IL1RL2: variants seen among roughly 807,000 people sequenced by gnomAD.
The protein encoded by IL1RL2 is interleukin 1 receptor like 2.
In IL1RL2, 68 loss-of-function variants were observed where a neutral mutation model predicts 66.8. That is an observed-to-expected ratio of 1.02 (90% CI 0.84 to 1.25). IL1RL2 has a LOEUF of 1.25. IL1RL2 is among the 50% of genes most tolerant of loss of function. The pLI is 0.00. For missense variants in IL1RL2, 729 were observed against 709.3 expected, an observed-to-expected ratio of 1.03 and a Z score of -0.32; for synonymous variants, 305 against 264.6, an observed-to-expected ratio of 1.15 and a Z score of -1.48.
intron 11 of IL1RL2, among the ~76,000 whole-genome samples, chr2:102,236,132 G>A (rs767817622): frequency 6.6e-6 from 1 of 152,214 alleles, no homozygotes; most frequent in African/African-American, 2.4e-5. Flanking sequence ...ATGATTAAAG[G>A]TTTTTAATAC....
In IL1RL2 at chr2:102,187,074, A is replaced by G. The variant is rs1334273858; in HGVS notation, c.-25A>G. The G allele has an allele frequency of 8.5e-6, 11 of 1,289,704 alleles. No individual in the cohort carries two copies. Among genetic ancestry groups the G allele is most frequent in the Middle Eastern group, 2.1e-4 (1 of 4,716 alleles). 79.9% of individuals were successfully genotyped at this position (1,289,704 alleles called of 1,614,324 possible). A position where few individuals can be genotyped will look rare whatever the true frequency, so the allele number is the denominator to read the frequency against. On this transcript the variant is annotated 5_prime_UTR_variant, in exon 1 of 12. Coordinates refer to ENST00000264257, the MANE Select transcript of IL1RL2 (RefSeq NM_003854.4). The stretch of plus-strand genomic sequence containing the variant: ...TCTCCACGAGGTCCTGCGCGCTTCA[A>G]TCCTGCAGGCAGGTAGACACCGGGC...
At chr2:102,188,587 C>CAA (rs374522339) in intron 2 of IL1RL2, among the ~76,000 whole-genome samples, 1,179 of 94,884 alleles carry the variant, frequency 0.012, 36 homozygotes, top group East Asian at 0.04. Context: ...GACTCCGTCT[C>CAA]AAAAAAAAAA....
At chr2:102,240,945 G>A (rs999031317), downstream of IL1RL2, among the ~76,000 whole-genome samples, 1 of 152,268 alleles carries the variant, frequency 6.6e-6, no homozygotes, top group African/African-American at 2.4e-5. Context: ...GGACAAACAA[G>A]GTCACGCCTG....
At chr2:102,202,913 A>G (rs1688391912) in intron 5 of IL1RL2, among the ~76,000 whole-genome samples, 1 of 152,150 alleles carries the variant, frequency 6.6e-6, no homozygotes, top group Admixed American at 6.5e-5. Context: ...CTTCCAGTAC[A>G]ATGTTGAATA....
At chr2:102,233,186 TCCA>T in intron 10 of IL1RL2, 62 bp downstream of exon 10, 1 of 1,482,062 alleles carries the variant, frequency 6.7e-7, no homozygotes, top group South Asian at 1.2e-5. Flanking sequence ...CCTCTGTTCC[TCCA>T]CTTTACTAAT....
chr2:102,192,758 T>C (rs1424803535), intron 4 of IL1RL2, among the ~76,000 whole-genome samples: 1 of 152,210 alleles, frequency 6.6e-6, no homozygotes, highest in Non-Finnish European at 1.5e-5. Context: ...TTGGAATTAG[T>C]TTTTCCTGCT....
chr2:102,241,446 A>G (rs770757577), downstream of IL1RL2, among the ~76,000 whole-genome samples: 1 of 152,186 alleles, frequency 6.6e-6, no homozygotes, highest in Non-Finnish European at 1.5e-5. Context: ...CCTGTGCCCC[A>G]GTTTCTTCCT....
chr2:102,233,164 A>G (rs764124278), intron 10 of IL1RL2, 40 bp downstream of exon 10: 2 of 1,553,286 alleles, frequency 1.3e-6, no homozygotes, highest in Admixed American at 3.4e-5. Context: ...AAATAAAAGA[A>G]GGAAAGCGAC....
In IL1RL2 at chr2:102,234,992, C is replaced by A. The variant is rs867480766; in HGVS notation, c.1393C>A (p.Leu465Met). The change falls in exon 11 of 12, where the codon CTG becomes ATG. Residue 465 changes from leucine (L) to methionine (M), a missense_variant. Transcript: ENST00000264257. ...GCTGGGCTTTGGCCTGTTGAAGAAC[C>A]TGTCAGAAGAACAAATCGCGGTCTA... The part of the protein sequence containing the change: ...ESLGFGLLKN[L>M]SEEQIAVYSA... 1.2e-6 allele frequency: 2 copies of A among 1,614,158 alleles called. No individual in the cohort carries two copies. The highest frequency in any genetic ancestry group is 2.7e-5 in the African/African-American group (2 of 75,028).
At chr2:102,212,249 T>G (rs1432751574) in intron 6 of IL1RL2, 75 bp downstream of exon 6, 1 of 1,090,632 alleles carries the variant, frequency 9.2e-7, no homozygotes, top group Non-Finnish European at 1.4e-6. Flanking sequence ...GGTGAATATT[T>G]TGAATGTTAA....
At chr2:102,241,029 G>C (rs970113598), downstream of IL1RL2, among the ~76,000 whole-genome samples, 6 of 152,262 alleles carry the variant, frequency 3.9e-5, no homozygotes, top group Admixed American at 1.3e-4. Context: ...AGGAACCGCT[G>C]TCCAGCCCGA....
intron 9 of IL1RL2, among the ~76,000 whole-genome samples, chr2:102,229,497 T>G (rs999870133): frequency 1.3e-5 from 2 of 152,194 alleles, no homozygotes; most frequent in Admixed American, 1.3e-4. Context: ...CGCACAGTCT[T>G]GCTGGTCTCA....
At chr2:102,187,247 C>T (rs1686760568) in intron 1 of IL1RL2, 161 bp downstream of exon 1, 1 of 1,187,712 alleles carries the variant, frequency 8.4e-7, no homozygotes, top group Non-Finnish European at 1.1e-6. Flanking sequence ...ATGGGGGAGC[C>T]GACTCCGTCT....
At chr2:102,199,996 T>TA (rs1266381267) in intron 4 of IL1RL2, among the ~76,000 whole-genome samples, 5 of 150,296 alleles carry the variant, frequency 3.3e-5, no homozygotes, top group South Asian at 2.1e-4. Flanking sequence ...CCACCTGTAC[T>TA]AAAAAAACAA....
chr2:102,216,771 G>A (rs1222897394), intron 6 of IL1RL2, among the ~76,000 whole-genome samples: 2 of 151,930 alleles, frequency 1.3e-5, no homozygotes, highest in Non-Finnish European at 2.9e-5. Context: ...GCTACCATGA[G>A]GCTAAAATAA....
rs1342474880 is a variant in IL1RL2 at position 102,194,171 on chromosome 2, A to G, written c.489+2051A>G. Among the ~76,000 whole-genome samples the G allele has an allele frequency of 2.0e-5, 3 of 152,176 alleles. No individual in the cohort carries two copies. In the East Asian group the frequency reaches 5.8e-4, roughly 29 times the overall value. On this transcript the variant is annotated intron_variant, in intron 4 of 11. Transcript: ENST00000264257. ...CCCCAAATAACCACTTCCCTGATTT[A>G]TGCTATCATAGATTGGATTTACCAG...
chr2:102,226,062 A>G (rs748144867), intron 9 of IL1RL2, 21 bp downstream of exon 9: 3 of 1,543,192 alleles, frequency 1.9e-6, no homozygotes, highest in African/African-American at 1.4e-5. Flanking sequence ...GTAATCACTG[A>G]AAAATGCCTC....
chr2:102,209,701 G>C (rs1481213114), intron 5 of IL1RL2, among the ~76,000 whole-genome samples: 2 of 152,142 alleles, frequency 1.3e-5, no homozygotes. Flanking sequence ...AGAGTCATTG[G>C]GCTGCATTTG....
At chr2:102,192,727 G>T (rs1451515987) in intron 4 of IL1RL2, among the ~76,000 whole-genome samples, 1 of 152,186 alleles carries the variant, frequency 6.6e-6, no homozygotes, top group Non-Finnish European at 1.5e-5. Context: ...GCATGGAGGA[G>T]CACAGGCTAG....
Sources: gnomAD v4.1 joint callset for allele counts (sites outside exome capture counted in the v4.1 genomes callset) on GRCh38, gnomAD v4.1.1 for gene constraint, MANE v1.5 for transcripts, NCBI Gene and HGNC (gene_info 2026-07-23, HGNC 2026-07-21) for gene names.